Variants in CACNA1A observed in about 807,000 individuals in gnomAD.
The protein encoded by CACNA1A is calcium voltage-gated channel subunit alpha1 A.
CACNA1A carries 57 observed loss-of-function variants against 262.4 expected under a neutral mutation model. That is an observed-to-expected ratio of 0.22 (90% CI 0.18 to 0.27). The LOEUF is 0.27. CACNA1A is among the 10% of genes least tolerant of loss of function. The pLI is 1.00. For synonymous variants in CACNA1A, 1,431 were observed against 1,419.3 expected (o/e 1.01, Z -0.18); for missense variants, 2,526 against 3,562.8 (o/e 0.71, Z 7.41).
intron 29 of CACNA1A, among the ~76,000 whole-genome samples, chr19:13,253,715 A>G (rs2056465615): frequency 6.6e-6 from 1 of 151,080 alleles, no homozygotes; most frequent in African/African-American, 2.4e-5. Flanking sequence ...AAGTGCTGGG[A>G]TTACAGGCGT....
chr19:13,273,371 T>C (rs979918682), intron 24 of CACNA1A: 9 of 152,198 alleles, frequency 5.9e-5, no homozygotes, highest in African/African-American at 2.2e-4. Context: ...GGGAATGAAT[T>C]GTATCTCGTT....
intron 19 of CACNA1A, among the ~76,000 whole-genome samples, chr19:13,290,536 T>C (rs868095253): frequency 6.6e-6 from 1 of 151,976 alleles, no homozygotes; most frequent in Non-Finnish European, 1.5e-5. Flanking sequence ...CTTCCCACCC[T>C]GGGTAGCTGG....
Position 13,212,053 on chromosome 19 carries a change from C to A in CACNA1A, c.6303+50G>T, listed in dbSNP as rs376767532. ...TGCTTGTGGGGGGGCCTGGCCCTAC[C>A]CAGTGCAGAGTGAGGGGTCCAGCCC... On this transcript the variant is annotated intron_variant, in intron 43 of 46. Transcript: ENST00000360228. The surrounding 1 kb of genome is among the most constrained non-coding windows in gnomAD (Gnocchi z 5.6). The A allele has an allele frequency of 2.2e-6, 3 of 1,363,028 alleles. No individual in the cohort carries two copies. In the African/African-American group the frequency reaches 4.3e-5, roughly 19 times the overall value. 84.4% of individuals were successfully genotyped at this position (1,363,028 alleles called of 1,614,324 possible). A position where few individuals can be genotyped will look rare whatever the true frequency, so the allele number is the denominator to read the frequency against.
chr19:13,393,715 TTC>T (rs909095190), intron 3 of CACNA1A, among the ~76,000 whole-genome samples: 12 of 140,530 alleles, frequency 8.5e-5, no homozygotes, highest in African/African-American at 2.6e-4. Flanking sequence ...CTCTCTCTCT[TTC>T]TGTCTTCCTC....
chr19:13,387,092 C>T (rs950755167), intron 3 of CACNA1A, among the ~76,000 whole-genome samples: 2 of 152,042 alleles, frequency 1.3e-5, no homozygotes, highest in Admixed American at 6.6e-5. Context: ...GCTGGGACTA[C>T]AGGCGTGCGC....
rs34849471 is a variant in CACNA1A at position 13,360,265 on chromosome 19, G to GTATATATATATATATA, written c.785-482_785-467dup. The stretch of plus-strand genomic sequence containing the variant: ...ATTAGGTGTCTGTGTGTGTGTGTGT[G>GTATATATATATATATA]TATATATATATATATATATATGAAG... On this transcript the variant is annotated intron_variant, in intron 5 of 46. Transcript: ENST00000360228. Among the ~76,000 whole-genome samples, 209 of 124,190 alleles carry GTATATATATATATATA rather than the reference G, an allele frequency of 1.7e-3. 1 individual carries two copies. The highest frequency in any genetic ancestry group is 6.1e-3 in the African/African-American group (193 of 31,822). The allele number at this position is 124,190 out of a possible 152,430, so 81.5% of individuals were successfully genotyped here. A position where few individuals can be genotyped will look rare whatever the true frequency, so the allele number is the denominator to read the frequency against.
At chr19:13,374,615 G>T (rs565711257) in intron 3 of CACNA1A, among the ~76,000 whole-genome samples, 6 of 152,060 alleles carry the variant, frequency 3.9e-5, no homozygotes, top group Admixed American at 3.9e-4. Context: ...GTACTAATTT[G>T]GGTTCCTCAA....
chr19:13,388,120 G>GC (rs1448625478), intron 3 of CACNA1A, among the ~76,000 whole-genome samples: 13 of 151,624 alleles, frequency 8.6e-5, no homozygotes, highest in African/African-American at 2.2e-4. Flanking sequence ...GTACCAAGGA[G>GC]CAGAACCACT....
intron 31 of CACNA1A, 21 bp downstream of exon 31, chr19:13,245,161 A>C: frequency 6.3e-7 from 1 of 1,598,246 alleles, no homozygotes; most frequent in East Asian, 2.2e-5. Context: ...TCACCCAGAG[A>C]GAAGCTGGAG....
At chr19:13,496,807 C>T (rs1981588189) in intron 1 of CACNA1A, among the ~76,000 whole-genome samples, 1 of 152,190 alleles carries the variant, frequency 6.6e-6, no homozygotes, top group East Asian at 1.9e-4. Context: ...ATCCATCTAT[C>T]CACTCTTCCA....
At chr19:13,367,911 G>A (rs763328710) in intron 4 of CACNA1A, among the ~76,000 whole-genome samples, 3 of 152,080 alleles carry the variant, frequency 2.0e-5, no homozygotes, top group Non-Finnish European at 2.9e-5. Flanking sequence ...CATTCATGGC[G>A]GCTGAATTAC....
chr19:13,241,536 G>T lies in CACNA1A; in HGVS notation c.4950+3646C>A. ...TAAGACCAACCGGATTCTAGATGCA[G>T]ATGTTGAAGATGAGGGGGAGCGGGC... On this transcript the variant is annotated intron_variant, in intron 31 of 46. Coordinates refer to ENST00000360228, the MANE Select transcript of CACNA1A (RefSeq NM_001127222.2). This position sits in a 1 kb window ranked among gnomAD's most constrained non-coding sequence, Gnocchi z 4.0. 1.4e-6 allele frequency: 1 copy of T among 691,236 alleles called. No homozygotes were observed. Among genetic ancestry groups the T allele is most frequent in the Non-Finnish European group, 2.3e-6 (1 of 439,768 alleles). 42.8% of individuals were successfully genotyped at this position (691,236 alleles called of 1,614,324 possible).
Position 13,245,073 on chromosome 19 carries a change from A to G in CACNA1A, c.4950+109T>C, listed in dbSNP as rs1357954452. ...CTGGTCATGGCCAAGTGCTGGCTCA[A>G]GCAGCTATGGCTTCCGGGACACACT... is the stretch of plus-strand genomic sequence containing the variant. On this transcript the variant is annotated intron_variant, in intron 31 of 46. Transcript: ENST00000360228. The G allele has an allele frequency of 3.3e-6, 3 of 913,898 alleles. No individual in the cohort carries two copies. In the Admixed American group the frequency reaches 5.5e-5, roughly 17 times the overall value. 56.6% of individuals were successfully genotyped at this position (913,898 alleles called of 1,614,324 possible). A position where few individuals can be genotyped will look rare whatever the true frequency, so the allele number is the denominator to read the frequency against.
intron 3 of CACNA1A, among the ~76,000 whole-genome samples, chr19:13,408,774 A>G (rs1165872820): frequency 1.3e-5 from 2 of 152,188 alleles, no homozygotes; most frequent in Non-Finnish European, 2.9e-5. Context: ...AGTTGGTCAA[A>G]GGAATACCAC....
intron 31 of CACNA1A, chr19:13,244,961 C>T (rs1278179254): frequency 1.0e-5 from 6 of 584,898 alleles, no homozygotes; most frequent in Non-Finnish European, 1.8e-5. Context: ...CAGTGCTGGC[C>T]CTACAGCCAA....
chr19:13,376,326 C>T (rs1346393659), intron 3 of CACNA1A, among the ~76,000 whole-genome samples: 1 of 152,128 alleles, frequency 6.6e-6, no homozygotes, highest in Non-Finnish European at 1.5e-5. Context: ...AAAGGACAGG[C>T]TGACTCTCTT....
chr19:13,341,035 G>A (rs2145165309), intron 6 of CACNA1A, among the ~76,000 whole-genome samples: 1 of 152,262 alleles, frequency 6.6e-6, no homozygotes, highest in East Asian at 1.9e-4. Context: ...TCGCACCACT[G>A]CACTCCAGCC....
intron 30 of CACNA1A, among the ~76,000 whole-genome samples, chr19:13,248,942 T>C (rs1274228685): frequency 6.6e-6 from 1 of 152,170 alleles, no homozygotes; most frequent in African/African-American, 2.4e-5. Context: ...CAGGGTATCA[T>C]TTAATTTTAA....
chr19:13,492,747 T>G (rs984777304), intron 1 of CACNA1A, among the ~76,000 whole-genome samples: 35 of 152,106 alleles, frequency 2.3e-4, no homozygotes, highest in African/African-American at 8.5e-4. Context: ...ATCCTCACCA[T>G]AGTTCACAAA....
Sources: gnomAD v4.1 joint callset for allele counts (sites outside exome capture counted in the v4.1 genomes callset) on GRCh38, gnomAD v4.1.1 for gene constraint, Gnocchi (gnomAD v3.1) non-coding constraint, MANE v1.5 for transcripts, NCBI Gene and HGNC (gene_info 2026-07-23, HGNC 2026-07-21) for gene names.